DLG2: variants seen among roughly 807,000 people sequenced by gnomAD.
DLG2 encodes the protein disks large homolog 2.
A neutral mutation model predicts 132.5 loss-of-function variants in DLG2; 45 were observed. The ratio of observed to expected loss-of-function variants is 0.34; its 90% CI spans 0.27 to 0.44. The LOEUF is 0.44. Among genes scored for constraint, DLG2 ranks in the 20% least tolerant of loss-of-function variants. The pLI is 1.00. For synonymous variants in DLG2, 424 were observed against 419.6 expected, an observed-to-expected ratio of 1.01 and a Z score of -0.13; for missense variants, 1,045 against 1,196.9, an observed-to-expected ratio of 0.87 and a Z score of 1.87.
chr11:84,341,653 T>C (rs763170993), intron 7 of DLG2, among the ~76,000 whole-genome samples: 1 of 152,260 alleles, frequency 6.6e-6, no homozygotes, highest in Non-Finnish European at 1.5e-5. Flanking sequence ...AGGGCGACTT[T>C]ACCTTAAGGC....
At chr11:84,586,029 TA>T in intron 6 of DLG2, among the ~76,000 whole-genome samples, 1 of 151,966 alleles carries the variant, frequency 6.6e-6, no homozygotes, top group South Asian at 2.1e-4. Flanking sequence ...TGCATGCCTG[TA>T]ATCCCAGCTA....
At chr11:85,523,026 GC>G (rs1026564434) in intron 3 of DLG2, among the ~76,000 whole-genome samples, 11 of 152,162 alleles carry the variant, frequency 7.2e-5, no homozygotes, top group Non-Finnish European at 1.0e-4. Flanking sequence ...ATATGGTCTG[GC>G]TTTGTGTCCC....
chr11:84,511,394 T>G (rs10898250), intron 7 of DLG2, among the ~76,000 whole-genome samples: 31,271 of 152,136 alleles, frequency 0.21, 3,386 homozygotes, highest in South Asian at 0.36. Flanking sequence ...CAACTTTTCT[T>G]TGGACCACAA....
chr11:84,152,123 T>C (rs947080772), intron 9 of DLG2, among the ~76,000 whole-genome samples: 1 of 152,196 alleles, frequency 6.6e-6, no homozygotes, highest in Non-Finnish European at 1.5e-5. Flanking sequence ...ATTGATGATC[T>C]ATCTAATACT....
chr11:83,520,456 A>G (rs2095433879), intron 21 of DLG2, among the ~76,000 whole-genome samples: 1 of 152,204 alleles, frequency 6.6e-6, no homozygotes, highest in South Asian at 2.1e-4. Context: ...ACAGAAAGGG[A>G]AAAATCATAA....
chr11:84,422,414 T>A (rs2098953944), intron 7 of DLG2, among the ~76,000 whole-genome samples: 1 of 152,200 alleles, frequency 6.6e-6, no homozygotes, highest in Non-Finnish European at 1.5e-5. Context: ...TTGTAAGCTA[T>A]AGCAATGGTG....
chr11:84,340,453 G>A (rs949044496), intron 7 of DLG2, among the ~76,000 whole-genome samples: 5 of 152,140 alleles, frequency 3.3e-5, no homozygotes, highest in African/African-American at 9.7e-5. Context: ...AGATGTAAGA[G>A]GTCAGAAAGA....
chr11:85,125,266 G>T (rs1473192366), intron 5 of DLG2, among the ~76,000 whole-genome samples: 1 of 152,130 alleles, frequency 6.6e-6, no homozygotes, highest in African/African-American at 2.4e-5. Flanking sequence ...CAGTCTCATA[G>T]CTCTTCATAG....
intron 8 of DLG2, among the ~76,000 whole-genome samples, chr11:84,204,208 C>T (rs2096635943): frequency 1.3e-5 from 2 of 152,172 alleles, no homozygotes; most frequent in Admixed American, 6.5e-5. Flanking sequence ...CCGCCCACCT[C>T]GGCCTCCCAA....
chr11:84,600,691 C>A (rs1041216337), intron 6 of DLG2, among the ~76,000 whole-genome samples: 10 of 152,100 alleles, frequency 6.6e-5, no homozygotes, highest in Non-Finnish European at 1.3e-4. Context: ...AGTGTCAAGA[C>A]CTCACTGCTT....
intron 5 of DLG2, among the ~76,000 whole-genome samples, chr11:85,122,732 C>T (rs1216761428): frequency 6.6e-6 from 1 of 151,342 alleles, no homozygotes; most frequent in African/African-American, 2.4e-5. Flanking sequence ...ATTTGGTGAA[C>T]AAACAAAATT....
intron 7 of DLG2, among the ~76,000 whole-genome samples, chr11:84,449,682 T>C (rs2099045766): frequency 6.6e-6 from 1 of 151,936 alleles, no homozygotes; most frequent in South Asian, 2.1e-4. Flanking sequence ...AATGTTTACA[T>C]ACTATCTTTA....
intron 5 of DLG2, among the ~76,000 whole-genome samples, chr11:85,116,007 C>T (rs1166427077): frequency 6.6e-6 from 1 of 151,880 alleles, no homozygotes; most frequent in Non-Finnish European, 1.5e-5. Flanking sequence ...TGAGTTTAAT[C>T]TTTGAACAAG....
intron 3 of DLG2, among the ~76,000 whole-genome samples, chr11:85,392,645 A>T (rs1331867585): frequency 6.6e-6 from 1 of 152,226 alleles, no homozygotes; most frequent in African/African-American, 2.4e-5. Flanking sequence ...GGAACACAAT[A>T]GAGAACGCAG....
At chr11:84,146,450 G>A (rs1216459414) in intron 9 of DLG2, among the ~76,000 whole-genome samples, 3 of 151,924 alleles carry the variant, frequency 2.0e-5, no homozygotes, top group Non-Finnish European at 2.9e-5. Context: ...AACATCTCAT[G>A]TACCCCATAA....
intron 6 of DLG2, among the ~76,000 whole-genome samples, chr11:85,080,095 A>C (rs995491022): frequency 6.6e-6 from 1 of 152,066 alleles, no homozygotes; most frequent in South Asian, 2.1e-4. Flanking sequence ...AATTTCAACT[A>C]ATTGTATCCC....
At chr11:83,997,996 A>G (rs10898188) in intron 11 of DLG2, among the ~76,000 whole-genome samples, 50,695 of 151,482 alleles carry the variant, frequency 0.33, 12,035 homozygotes, top group African/African-American at 0.68. Context: ...TTAGCTGGGC[A>G]TGGTGGTGTG....
intron 5 of DLG2, among the ~76,000 whole-genome samples, chr11:85,133,668 G>C (rs946702234): frequency 2.6e-5 from 4 of 152,240 alleles, no homozygotes; most frequent in African/African-American, 4.8e-5. Context: ...TGGGGTGGGA[G>C]GAGGTTCTAA....
chr11:84,964,015 C>T (rs745841111), intron 6 of DLG2, among the ~76,000 whole-genome samples: 2 of 152,082 alleles, frequency 1.3e-5, no homozygotes, highest in Non-Finnish European at 2.9e-5. Flanking sequence ...TATATTTCCA[C>T]TTAATGAAGC....
Sources: allele counts gnomAD v4.1 joint callset (sites outside exome capture counted in the v4.1 genomes callset), GRCh38; gene constraint gnomAD v4.1.1; transcripts MANE v1.5; gene names NCBI Gene and HGNC (gene_info 2026-07-23, HGNC 2026-07-21).